Variants in RARB observed in about 807,000 individuals in gnomAD.
RARB encodes HBV-activated protein.
Under a neutral mutation model 51.9 loss-of-function variants are expected in RARB, and 17 were observed. The observed-to-expected ratio is 0.33, with a 90% CI of 0.22 to 0.49. The LOEUF is 0.49. Among genes scored for constraint, RARB ranks in the 20% least tolerant of loss-of-function variants. The pLI, the probability that RARB is intolerant of heterozygous loss-of-function variation, is 0.99. For synonymous variants in RARB, 215 were observed against 195.4 expected (o/e 1.10, Z -0.84); for missense variants, 369 against 550.8 (o/e 0.67, Z 3.30).
At chr3:25,148,327 A>G (rs556668039) in intron 4 of RARB, among the ~76,000 whole-genome samples, 6 of 152,314 alleles carry the variant, frequency 3.9e-5, no homozygotes, top group African/African-American at 1.4e-4. Context: ...TAAAGAACAT[A>G]TGTGTTGGTG....
chr3:24,943,500 GA>G (rs1695713262), intron 2 of RARB, among the ~76,000 whole-genome samples: 2 of 152,142 alleles, frequency 1.3e-5, no homozygotes, highest in South Asian at 4.1e-4. Context: ...ATATAAATGA[GA>G]CTTGGTAGAA....
At chr3:25,258,983 T>G in intron 5 of RARB, 1 of 969,464 alleles carries the variant, frequency 1.0e-6, no homozygotes, top group Non-Finnish European at 1.2e-6. Flanking sequence ...AGCCTGAGTT[T>G]TGCTGGGGAC....
At chr3:25,516,629 G>GTTTTTTTTTTTTTTTTTTT (rs1559446380) in intron 3 of RARB, among the ~76,000 whole-genome samples, 1 of 122,632 alleles carries the variant, frequency 8.2e-6, no homozygotes, top group African/African-American at 4.7e-5. Context: ...TTATTTCCTT[G>GTTTTTTTTTTTTTTTTTTT]TCTTTTTTTT....
intron 4 of RARB, among the ~76,000 whole-genome samples, chr3:25,574,851 C>A (rs1700859738): frequency 6.6e-6 from 1 of 152,122 alleles, no homozygotes; most frequent in Non-Finnish European, 1.5e-5. Flanking sequence ...GGAGCAGAAC[C>A]TGGAACTCGG....
intron 2 of RARB, among the ~76,000 whole-genome samples, chr3:24,910,512 A>G (rs1438022482): frequency 6.6e-6 from 1 of 152,162 alleles, no homozygotes; most frequent in Non-Finnish European, 1.5e-5. Context: ...TACAAAGGAG[A>G]GCTGTTTTAG....
intron 5 of RARB, among the ~76,000 whole-genome samples, chr3:25,364,144 G>A (rs1277496960): frequency 1.3e-5 from 2 of 151,144 alleles, no homozygotes; most frequent in Non-Finnish European, 2.9e-5. Flanking sequence ...GTTTTATTTT[G>A]TGATTTATTA....
At chr3:24,863,019 G>A (rs1264715492) in intron 2 of RARB, among the ~76,000 whole-genome samples, 2 of 152,156 alleles carry the variant, frequency 1.3e-5, no homozygotes, top group African/African-American at 4.8e-5. Context: ...AATAATGTGG[G>A]GAAAGGCACA....
At chr3:24,918,235 T>C (rs566781848) in intron 2 of RARB, among the ~76,000 whole-genome samples, 3 of 152,220 alleles carry the variant, frequency 2.0e-5, no homozygotes, top group Non-Finnish European at 4.4e-5. Flanking sequence ...AACGAATTAC[T>C]AATACATGCT....
At chr3:25,186,381 A>T (rs891411633) in intron 5 of RARB, among the ~76,000 whole-genome samples, 3 of 152,118 alleles carry the variant, frequency 2.0e-5, no homozygotes, top group African/African-American at 7.2e-5. Flanking sequence ...TTTGAAAATG[A>T]CTTAGCACAT....
At chr3:25,146,492 G>A (rs1482893073) in intron 4 of RARB, among the ~76,000 whole-genome samples, 2 of 126,258 alleles carry the variant, frequency 1.6e-5, no homozygotes, top group African/African-American at 5.7e-5. Flanking sequence ...AATTTGCTAA[G>A]TTTTTTGTTT....
chr3:25,385,085 C>A (rs572857896), intron 5 of RARB, among the ~76,000 whole-genome samples: 7 of 152,266 alleles, frequency 4.6e-5, no homozygotes, highest in African/African-American at 1.7e-4. Flanking sequence ...ACACTCCTCC[C>A]TCCACACTTG....
At chr3:24,994,778 T>A (rs1306775818) in intron 2 of RARB, among the ~76,000 whole-genome samples, 18 of 152,034 alleles carry the variant, frequency 1.2e-4, no homozygotes, top group Admixed American at 1.2e-3. Context: ...GTTCTTTGTG[T>A]CCTTGTCAAA....
chr3:24,981,001 T>C lies in RARB; in HGVS notation c.-379-79124T>C, dbSNP rs999770687. On this transcript the variant is annotated intron_variant, in intron 2 of 11. Coordinates refer to the RARB transcript ENST00000383772. ...GATGCTATTCCTTTCGTTTTGTTAG[T>C]TTTCCTTCTAACAGACAGGCCCTTC... Among the ~76,000 whole-genome samples, 3 of 149,666 alleles carry C rather than the reference T, an allele frequency of 2.0e-5. No homozygotes were observed. The South Asian group carries it at 6.3e-4, about 32-fold the overall frequency.
chr3:25,370,685 A>C (rs1183233323), intron 5 of RARB, among the ~76,000 whole-genome samples: 1 of 152,202 alleles, frequency 6.6e-6, no homozygotes, highest in Non-Finnish European at 1.5e-5. Context: ...GCAGAGGCCA[A>C]TGCCAGGAGC....
chr3:24,930,250 G>A (rs1202922145), intron 2 of RARB, among the ~76,000 whole-genome samples: 1 of 152,052 alleles, frequency 6.6e-6, no homozygotes, highest in African/African-American at 2.4e-5. Flanking sequence ...TCCTTTGAGG[G>A]CTGCTTTTCA....
At chr3:25,356,467 T>C (rs1443260278) in intron 5 of RARB, among the ~76,000 whole-genome samples, 1 of 152,146 alleles carries the variant, frequency 6.6e-6, no homozygotes, top group Non-Finnish European at 1.5e-5. Flanking sequence ...TGATAATCTT[T>C]AATAATTTAC....
chr3:25,007,024 A>G (rs1356932181), intron 2 of RARB, among the ~76,000 whole-genome samples: 8 of 152,170 alleles, frequency 5.3e-5, no homozygotes, highest in Admixed American at 5.2e-4. Flanking sequence ...TTGAATAAGA[A>G]TGAGTTGCAG....
At chr3:24,942,014 G>T (rs569712722) in intron 2 of RARB, among the ~76,000 whole-genome samples, 79 of 152,338 alleles carry the variant, frequency 5.2e-4, no homozygotes, top group Non-Finnish European at 7.3e-4. Flanking sequence ...CCACAGCACA[G>T]AAATGATTTG....
chr3:25,129,239 T>G (rs1484840535), intron 3 of RARB, among the ~76,000 whole-genome samples: 1 of 152,090 alleles, frequency 6.6e-6, no homozygotes, highest in South Asian at 2.1e-4. Context: ...CTCTATCAAT[T>G]TTTTGTTTGT....
Sources: allele counts gnomAD v4.1 joint callset (sites outside exome capture counted in the v4.1 genomes callset), GRCh38; gene constraint gnomAD v4.1.1; transcripts MANE v1.5; gene names NCBI Gene and HGNC (gene_info 2026-07-23, HGNC 2026-07-21).